GSK3B: variants seen among roughly 807,000 people sequenced by gnomAD.
GSK3B encodes the protein glycogen synthase kinase 3 beta, also known as glycogen synthase kinase-3 beta.
In GSK3B, 15 loss-of-function variants were observed where a neutral mutation model predicts 56.4. The ratio of observed to expected loss-of-function variants is 0.27; its 90% CI spans 0.18 to 0.41. The LOEUF (loss-of-function observed/expected upper bound fraction) is 0.41, where lower values mean the gene tolerates loss of function less well. Ranked by LOEUF, GSK3B falls within the 10% of genes least tolerant of loss-of-function variation. The pLI, the probability that GSK3B is intolerant of heterozygous loss-of-function variation, is 1.00. For synonymous variants in GSK3B, 181 were observed against 188.9 expected, an observed-to-expected ratio of 0.96 and a Z score of 0.34; for missense variants, 300 against 513.4, an observed-to-expected ratio of 0.58 and a Z score of 4.02.
intron 2 of GSK3B, among the ~76,000 whole-genome samples, chr3:119,966,175 G>C (rs1273547616): frequency 6.6e-6 from 1 of 152,162 alleles, no homozygotes; most frequent in Non-Finnish European, 1.5e-5. Context: ...GAGTTGGCCA[G>C]CCTTAGTTCA....
chr3:119,910,119 T>G (rs913080599), intron 6 of GSK3B, among the ~76,000 whole-genome samples: 1 of 152,154 alleles, frequency 6.6e-6, no homozygotes, highest in Non-Finnish European at 1.5e-5. Flanking sequence ...TCAGAAGTAT[T>G]TCAGGAGGAT....
At chr3:119,951,441 C>T (rs1376553937) in intron 2 of GSK3B, among the ~76,000 whole-genome samples, 3 of 152,112 alleles carry the variant, frequency 2.0e-5, no homozygotes, top group Non-Finnish European at 2.9e-5. Context: ...CTTGGTGGCG[C>T]ATGCCTGTAA....
intron 1 of GSK3B, among the ~76,000 whole-genome samples, chr3:120,006,733 C>T (rs2057731919): frequency 6.6e-6 from 1 of 152,100 alleles, no homozygotes. Context: ...AAAGACACAA[C>T]ATACCAGAAT....
At chr3:120,060,673 C>T (rs2058228706) in intron 1 of GSK3B, among the ~76,000 whole-genome samples, 1 of 152,120 alleles carries the variant, frequency 6.6e-6, no homozygotes, top group Admixed American at 6.5e-5. Flanking sequence ...ATGCAGTGAT[C>T]CCTGATCACG....
intron 2 of GSK3B, among the ~76,000 whole-genome samples, chr3:119,955,162 C>T (rs2057199381): frequency 6.7e-6 from 1 of 150,002 alleles, no homozygotes; most frequent in Admixed American, 6.7e-5. Flanking sequence ...TCATAAGACT[C>T]AAAAAGCATT....
chr3:119,863,446 G>T lies in GSK3B; in HGVS notation c.1069C>A (p.Pro357Thr). The change falls in exon 9 of 11, where the codon CCT becomes ACT. Residue 357 changes from proline to threonine, a missense_variant. Pro to Thr is a conservative substitution (Grantham distance 38). This residue lies in a region of GSK3B where 88 missense variants were observed against 92.7 expected (regional missense o/e 0.95). Transcript: ENST00000264235. ...NVKLPNGRDT[P>T]ALFNFTTQEL... is the part of the protein sequence containing the mutation. The stretch of plus-strand genomic sequence containing the variant: ...TGAGTGGTGAAGTTGAAGAGTGCAG[G>T]TGTGTCTCGCCCATTTGGTAGTTTG... 1.2e-6 allele frequency: 2 copies of T among 1,613,936 alleles called. No individual in the cohort carries two copies. The highest frequency in any genetic ancestry group is 1.7e-6 in the Non-Finnish European group (2 of 1,179,846).
intron 9 of GSK3B, among the ~76,000 whole-genome samples, chr3:119,852,695 T>A (rs905331654): frequency 2.0e-5 from 3 of 152,162 alleles, no homozygotes; most frequent in Non-Finnish European, 4.4e-5. Flanking sequence ...ATTACCAAGT[T>A]TTTCAAATCC....
intron 1 of GSK3B, among the ~76,000 whole-genome samples, chr3:120,031,011 A>G (rs188564885): frequency 6.6e-6 from 1 of 152,328 alleles, no homozygotes; most frequent in East Asian, 1.9e-4. Context: ...ACTGTTCCCA[A>G]CAAACTCATC....
chr3:120,029,327 A>G (rs1036164330), intron 1 of GSK3B: 6 of 745,078 alleles, frequency 8.1e-6, no homozygotes, highest in African/African-American at 5.2e-5. Context: ...GATATTTCGC[A>G]TCTAATCCAG....
chr3:119,905,743 C>T lies in GSK3B; in HGVS notation c.813+12G>A. Reference sequence around the variant, plus strand: ...TCCTTCCAGTTCAAATATTCTGATTCAACCTTCTCACCTTGATTATTTCTA... The same window carrying T: ...TCCTTCCAGTTCAAATATTCTGATTTAACCTTCTCACCTTGATTATTTCTA... On this transcript the variant is annotated intron_variant, in intron 7 of 10. Coordinates refer to ENST00000264235, the MANE Select transcript of GSK3B (RefSeq NM_001146156.2). The T allele has an allele frequency of 7.1e-7, 1 of 1,400,270 alleles. No individual in the cohort carries two copies. Among genetic ancestry groups the T allele is most frequent in the Non-Finnish European group, 1.0e-6 (1 of 985,048 alleles). The allele number at this position is 1,400,270 out of a possible 1,614,324, so 86.7% of individuals were successfully genotyped here. A position where few individuals can be genotyped will look rare whatever the true frequency, so the allele number is the denominator to read the frequency against.
At chr3:119,859,069 C>G (rs562626236) in intron 9 of GSK3B, among the ~76,000 whole-genome samples, 1 of 151,450 alleles carries the variant, frequency 6.6e-6, no homozygotes, top group South Asian at 2.1e-4. Context: ...AAATGTGGCA[C>G]AGAGACACAA....
intron 3 of GSK3B, among the ~76,000 whole-genome samples, chr3:119,933,279 G>C (rs2056964515): frequency 6.6e-6 from 1 of 152,130 alleles, no homozygotes; most frequent in African/African-American, 2.4e-5. Context: ...TATTGAAATA[G>C]ATCACCATCC....
At chr3:120,075,734 A>G (rs935467569) in intron 1 of GSK3B, among the ~76,000 whole-genome samples, 5 of 152,188 alleles carry the variant, frequency 3.3e-5, no homozygotes, top group African/African-American at 9.6e-5. Context: ...AATGAAGAGG[A>G]CACAAATAAA....
At chr3:119,949,988 G>C (rs765668591) in intron 2 of GSK3B, among the ~76,000 whole-genome samples, 48 of 151,782 alleles carry the variant, frequency 3.2e-4, no homozygotes, top group Non-Finnish European at 1.2e-4. Flanking sequence ...ATGCATTTGG[G>C]AGTCATCTAG....
intron 9 of GSK3B, among the ~76,000 whole-genome samples, chr3:119,848,291 AAT>A (rs1429743710): frequency 6.6e-6 from 1 of 152,196 alleles, no homozygotes; most frequent in Non-Finnish European, 1.5e-5. Context: ...TTTTCACTCT[AAT>A]ATGTGTCACA....
Position 120,094,370 on chromosome 3 carries a change from T to C in GSK3B, c.-936A>G. The C allele has an allele frequency of 3.4e-6, 1 of 295,524 alleles. No homozygotes were observed. The highest frequency in any genetic ancestry group is 6.3e-6 in the Non-Finnish European group (1 of 158,624). 18.3% of individuals were successfully genotyped at this position (295,524 alleles called of 1,614,324 possible). ...GCTCCTCCTCGCTTCCTTCCTTCCT[T>C]TGTCACTTGGCCCGGGCGGCGGCGG... On this transcript the variant is annotated 5_prime_UTR_variant, in exon 1 of 11. Transcript: ENST00000264235.
At chr3:119,917,294 C>T (rs1463720462) in intron 4 of GSK3B, among the ~76,000 whole-genome samples, 1 of 152,140 alleles carries the variant, frequency 6.6e-6, no homozygotes, top group Non-Finnish European at 1.5e-5. Context: ...AATTTTAGTA[C>T]ATCCTTGAAG....
chr3:119,963,196 C>G (rs1001514549), intron 2 of GSK3B, among the ~76,000 whole-genome samples: 9 of 152,022 alleles, frequency 5.9e-5, no homozygotes, highest in African/African-American at 1.9e-4. Context: ...GAAATTAAGG[C>G]AGATACAAAT....
chr3:119,953,729 T>C (rs897586207), intron 2 of GSK3B, among the ~76,000 whole-genome samples: 1 of 152,170 alleles, frequency 6.6e-6, no homozygotes, highest in African/African-American at 2.4e-5. Flanking sequence ...ATATTCCCAA[T>C]TCTATTACAT....
Sources: allele counts gnomAD v4.1 joint callset (sites outside exome capture counted in the v4.1 genomes callset), GRCh38; gene constraint gnomAD v4.1.1; regional missense constraint gnomAD v4.1.1; transcripts MANE v1.5; gene names NCBI Gene and HGNC (gene_info 2026-07-23, HGNC 2026-07-21).